TMEM259: variants seen among roughly 807,000 people sequenced by gnomAD.
TMEM259 encodes the protein transmembrane protein 259.
A neutral mutation model predicts 46.7 loss-of-function variants in TMEM259; 26 were observed. That is an observed-to-expected ratio of 0.56 (90% confidence interval 0.41 to 0.77). The LOEUF (loss-of-function observed/expected upper bound fraction) is 0.77, where lower values mean the gene tolerates loss of function less well. Ranked by LOEUF, TMEM259 falls within the 30% of genes least tolerant of loss-of-function variation. The pLI, the probability that TMEM259 is intolerant of heterozygous loss-of-function variation, is 0.00. For synonymous variants in TMEM259, 494 were observed against 395.1 expected (o/e 1.25, Z -2.97); for missense variants, 930 against 900.5 (o/e 1.03, Z -0.42).
chr19:1,010,968 C>T lies in TMEM259; in HGVS notation c.1318-73G>A, dbSNP rs550372795. The T allele has an allele frequency of 3.2e-6, 5 of 1,552,642 alleles. No homozygotes were observed. In the East Asian group the frequency reaches 1.2e-4, roughly 37 times the overall value. Reference sequence around the variant, plus strand: ...CCAGCCGCTGCTCCCAGAGGGCAGCCCACCCGGGACCATCCACGCTACCTC... The same window carrying T: ...CCAGCCGCTGCTCCCAGAGGGCAGCTCACCCGGGACCATCCACGCTACCTC... On this transcript the variant is annotated intron_variant, in intron 10 of 10. Coordinates refer to ENST00000356663, the MANE Select transcript of TMEM259 (RefSeq NM_001033026.2).
At chr19:1,014,632 C>T (rs1212075604) in intron 1 of TMEM259, among the ~76,000 whole-genome samples, 159 bp from the exon 2 acceptor site, 1 of 152,156 alleles carries the variant, frequency 6.6e-6, no homozygotes, top group African/African-American at 2.4e-5. Context: ...ACCCTGGGTC[C>T]CTCCCACGCT....
chr19:1,016,058 A>G (rs1037960462), intron 1 of TMEM259, among the ~76,000 whole-genome samples: 4 of 143,960 alleles, frequency 2.8e-5, no homozygotes, highest in African/African-American at 5.1e-5. Flanking sequence ...TCTGAACTGC[A>G]TTTCTAGTCC....
At chr19:1,017,722 G>A (rs1160977473) in intron 1 of TMEM259, among the ~76,000 whole-genome samples, 5 of 152,164 alleles carry the variant, frequency 3.3e-5, no homozygotes, top group Non-Finnish European at 5.9e-5. Flanking sequence ...CAGACCTGGA[G>A]TGCCAGGAGC....
At chr19:1,010,987 C>A in intron 10 of TMEM259, 92 bp from the exon 11 acceptor site, 1 of 1,546,454 alleles carries the variant, frequency 6.5e-7, no homozygotes. Flanking sequence ...ACCATCCACG[C>A]TACCTCTGCC....
intron 2 of TMEM259, among the ~76,000 whole-genome samples, 180 bp downstream of exon 2, chr19:1,014,011 TC>T (rs1257777678): frequency 6.6e-6 from 1 of 151,856 alleles, no homozygotes; most frequent in Non-Finnish European, 1.5e-5. Context: ...AGGCCGAGGG[TC>T]TTGCTTCAGA....
In TMEM259 at chr19:1,011,914, G is replaced by A; in HGVS notation, c.920C>T (p.Ala307Val). The A allele has an allele frequency of 1.2e-6, 2 of 1,610,556 alleles. No individual in the cohort carries two copies. Among genetic ancestry groups the A allele is most frequent in the Non-Finnish European group, 1.7e-6 (2 of 1,178,446 alleles). Residue 307 changes from alanine to valine, a missense_variant, in exon 6 of 11, where the codon GCC becomes GTC. Ala to Val is a moderately conservative substitution (Grantham distance 64, BLOSUM62 0). Coordinates refer to ENST00000356663, the MANE Select transcript of TMEM259 (RefSeq NM_001033026.2). ...CACGAAGATGACCATGATGGCGAAG[G>A]CGGCCAGGTAGGACGTCCGCGCCAT... ...MWMARTSYLA[A>V]FAIMVIFTLS...
chr19:1,013,104 G>A (rs2038992525), intron 3 of TMEM259, 137 bp downstream of exon 3: 2 of 731,298 alleles, frequency 2.7e-6, no homozygotes, highest in South Asian at 1.7e-5. Flanking sequence ...TGGGGAAATC[G>A]AGGCACGGGG....
In TMEM259 at chr19:1,011,444, G is replaced by A. The variant is rs889129641; in HGVS notation, c.1140C>T (p.Ile380=). Residue 380 remains isoleucine (I), a synonymous_variant, in exon 9 of 11, where the codon ATC becomes ATT. Coordinates refer to ENST00000356663, the MANE Select transcript of TMEM259 (RefSeq NM_001033026.2). ...FFNDTTTAFY[I]ILIVWLADQY... ...GGTCCGCGAGCCACACGATGAGGATGATGTAGAAGGCGGTGGTGGTGTCGT... is the reference window on the plus strand; with the variant it reads ...GGTCCGCGAGCCACACGATGAGGATAATGTAGAAGGCGGTGGTGGTGTCGT... 24 of 1,566,640 alleles carry A rather than the reference G, an allele frequency of 1.5e-5. No homozygotes were observed. In the African/African-American group the frequency reaches 2.2e-4, roughly 14 times the overall value.
rs1375701591 is a variant in TMEM259 at position 1,012,109 on chromosome 19, G to C, written c.798C>G (p.Leu266=). Residue 266 remains leucine (L), a synonymous_variant, in exon 5 of 11, where the codon CTC becomes CTG. Transcript: ENST00000356663. ...CGGCCAGGCCCTTCACGCTGGACAT[G>C]AGGATGTCATCGTAGCCCAGGAACT... The part of the protein sequence containing the change: ...LDEFLGYDDI[L]MSSVKGLAEN... 2 of 1,611,380 alleles carry C rather than the reference G, an allele frequency of 1.2e-6. No individual in the cohort carries two copies. The highest frequency in any genetic ancestry group is 1.7e-6 in the Non-Finnish European group (2 of 1,179,314).
chr19:1,015,760 C>G (rs572460062), intron 1 of TMEM259, among the ~76,000 whole-genome samples: 1 of 152,312 alleles, frequency 6.6e-6, no homozygotes, highest in East Asian at 1.9e-4. Context: ...CACCAATGCC[C>G]GGGGTGCAGT....
chr19:1,017,317 C>G (rs1270189792), intron 1 of TMEM259: 1 of 399,612 alleles, frequency 2.5e-6, no homozygotes. Context: ...ACCCTCTGCC[C>G]GCAACCTGGC....
chr19:1,014,595 C>A (rs2039048036), intron 1 of TMEM259, 122 bp from the exon 2 acceptor site: 3 of 1,157,034 alleles, frequency 2.6e-6, no homozygotes, highest in Non-Finnish European at 3.6e-6. Context: ...AGGAAGGAAA[C>A]CCCAGAAGCC....
Position 1,010,550 on chromosome 19 carries a change from A to G in TMEM259, c.1663T>C (p.Ser555Pro). Reference protein sequence around the residue: ...AAIITDASFLSGLSASLLERR... With the variant: ...AAIITDASFLPGLSASLLERR... Reference sequence around the variant, plus strand: ...TCCAGGAGGGAGGCGCTCAGGCCGGACAGGAAGGAGGCGTCTGTGATGATG... The same window carrying G: ...TCCAGGAGGGAGGCGCTCAGGCCGGGCAGGAAGGAGGCGTCTGTGATGATG... Residue 555 changes from serine to proline, a missense_variant, in exon 11 of 11, where the codon TCC becomes CCC. Ser to Pro is a moderately conservative substitution (Grantham distance 74, BLOSUM62 -1). Coordinates refer to ENST00000356663, the MANE Select transcript of TMEM259 (RefSeq NM_001033026.2). 8 of 1,548,712 alleles carry G rather than the reference A, an allele frequency of 5.2e-6. No homozygotes were observed. Among genetic ancestry groups the G allele is most frequent in the Non-Finnish European group, 3.5e-6 (4 of 1,147,156 alleles).
Position 1,012,385 on chromosome 19 carries a change from C to A in TMEM259, c.718+78G>T, listed in dbSNP as rs769652274. On this transcript the variant is annotated intron_variant, in intron 4 of 10. Coordinates refer to ENST00000356663, the MANE Select transcript of TMEM259 (RefSeq NM_001033026.2). ...GTGCTTCCTGCACAGCCCCCCGTCC[C>A]GCACCAGCAGGAGGAGACCCGAGGG... 97 of 1,520,550 alleles carry A rather than the reference C, an allele frequency of 6.4e-5. No homozygotes were observed. The South Asian group carries it at 1.1e-3, about 17-fold the overall frequency. The allele number at this position is 1,520,550 out of a possible 1,614,324, so 94.2% of individuals were successfully genotyped here.
Position 1,014,305 on chromosome 19 carries a change from C to A in TMEM259, c.394G>T (p.Gly132Cys), listed in dbSNP as rs375558692. ...APVFLQFCDS[G>C]GRGSFPGLAV... ...AGGCCCGGGAAGCTCCCGCGGCCGC[C>A]GCTGTCACAGAACTGTAGGAAGACG... The change falls in exon 2 of 11, where the codon GGC (glycine) becomes TGC (cysteine). Residue 132 changes from glycine (G) to cysteine (C), a missense_variant. Transcript: ENST00000356663. The A allele has an allele frequency of 3.7e-6, 6 of 1,613,104 alleles. No individual in the cohort carries two copies. The African/African-American group carries it at 6.7e-5, about 18-fold the overall frequency.
rs777236084 is a variant in TMEM259, at chr19:1,011,213, GGC to G, written c.1218-20_1218-19del. 5.3e-5 allele frequency: 83 copies of G among 1,572,188 alleles called. No individual in the cohort carries two copies. Among genetic ancestry groups the G allele is most frequent in the Non-Finnish European group, 6.8e-5 (79 of 1,159,278 alleles). On this transcript the variant is annotated intron_variant, in intron 9 of 10. Transcript: ENST00000356663. ...AGAAGAACCTGCGGGGCGGGGTGAG[GGC>G]GTCGGGGCTGCAGGTCCCACCCTGC...
intron 3 of TMEM259, 37 bp from the exon 4 acceptor site, chr19:1,012,610 A>ACC: frequency 6.5e-7 from 1 of 1,545,390 alleles, no homozygotes; most frequent in Non-Finnish European, 8.7e-7. Flanking sequence ...CAGCGCCCCC[A>ACC]CACACGTCCC....
In TMEM259 at chr19:1,010,432, G is replaced by A; in HGVS notation, c.1781C>T (p.Thr594Ile). The A allele has an allele frequency of 6.5e-7, 1 of 1,533,590 alleles. No individual in the cohort carries two copies. The highest frequency in any genetic ancestry group is 1.2e-5 in the South Asian group (1 of 81,814). The allele number at this position is 1,533,590 out of a possible 1,614,324, so 95.0% of individuals were successfully genotyped here. ...VPPSDSAASD[T>I]TPLGAAVGGP... ...GCCTACCGCAGCCCCCAGGGGAGTT[G>A]TGTCAGAAGCTGCGGAGTCACTCGG... Residue 594 changes from threonine (T) to isoleucine (I), a missense_variant, in exon 11 of 11, where the codon ACA becomes ATA. Coordinates refer to ENST00000356663, the MANE Select transcript of TMEM259 (RefSeq NM_001033026.2).
intron 9 of TMEM259, 69 bp downstream of exon 9, chr19:1,011,298 C>T: frequency 6.5e-7 from 1 of 1,540,122 alleles, no homozygotes; most frequent in Non-Finnish European, 8.7e-7. Context: ...CTCCAGCGCC[C>T]CTCCCTCTGG....
Sources: allele counts gnomAD v4.1 joint callset (sites outside exome capture counted in the v4.1 genomes callset), GRCh38; gene constraint gnomAD v4.1.1; transcripts MANE v1.5; gene names NCBI Gene and HGNC (gene_info 2026-07-23, HGNC 2026-07-21).